Variants in MARK2 observed in about 807,000 individuals in gnomAD.
The protein encoded by MARK2 is microtubule affinity regulating kinase 2.
A neutral mutation model predicts 89.8 loss-of-function variants in MARK2; 16 were observed. The ratio of observed to expected loss-of-function variants is 0.18; its 90% CI spans 0.12 to 0.27. MARK2 has a LOEUF of 0.27. Ranked by LOEUF, MARK2 falls within the 10% of genes least tolerant of loss-of-function variation. MARK2 has a pLI of 1.00. For missense variants in MARK2, 621 were observed against 1,049.9 expected, an observed-to-expected ratio of 0.59 and a Z score of 5.65; for synonymous variants, 382 against 399.5, an observed-to-expected ratio of 0.96 and a Z score of 0.52.
chr11:63,844,416 C>A (rs1021363573), intron 1 of MARK2, among the ~76,000 whole-genome samples: 2 of 152,004 alleles, frequency 1.3e-5, no homozygotes, highest in African/African-American at 4.8e-5. Context: ...CTGGGGAGGT[C>A]GAGACTGCAT....
At chr11:63,906,515 G>A (rs1941351381) in intron 17 of MARK2, among the ~76,000 whole-genome samples, 1 of 135,250 alleles carries the variant, frequency 7.4e-6, no homozygotes, top group South Asian at 2.5e-4. Context: ...CCAGGTTTTG[G>A]TCACAAGTGT....
At chr11:63,899,002 G>A in intron 6 of MARK2, 50 bp from the exon 7 acceptor site, 1 of 1,392,888 alleles carries the variant, frequency 7.2e-7, no homozygotes, top group Non-Finnish European at 1.0e-6. Flanking sequence ...GTCAGCCCCT[G>A]TGGCCCACCC....
chr11:63,853,405 A>G (rs888778170), intron 1 of MARK2, among the ~76,000 whole-genome samples: 4 of 152,170 alleles, frequency 2.6e-5, no homozygotes, highest in Admixed American at 1.3e-4. Flanking sequence ...AAAAAAAAAA[A>G]AAGATGTAGC....
At chr11:63,856,963 C>A (rs377044636) in intron 1 of MARK2, among the ~76,000 whole-genome samples, 3 of 151,244 alleles carry the variant, frequency 2.0e-5, no homozygotes, top group South Asian at 2.1e-4. Flanking sequence ...AGGCGCCCCC[C>A]ACCATGCCCG....
chr11:63,893,967 G>A (rs1318936251), intron 1 of MARK2, among the ~76,000 whole-genome samples: 2 of 152,158 alleles, frequency 1.3e-5, no homozygotes, highest in Non-Finnish European at 2.9e-5. Context: ...AATCTGCCAC[G>A]TTTCTGGTCC....
intron 1 of MARK2, among the ~76,000 whole-genome samples, chr11:63,856,659 G>GTGATCC (rs2016866328): frequency 3.3e-5 from 5 of 151,224 alleles, no homozygotes; most frequent in Admixed American, 1.3e-4. Flanking sequence ...CCTGGCCTAA[G>GTGATCC]TGATCCGCCA....
rs533859148 is a variant in MARK2, at chr11:63,908,088, G to T, written c.1962-172G>T. 1.6e-4 allele frequency among the ~76,000 whole-genome samples: 25 copies of T among 152,376 alleles called. No homozygotes were observed. In the South Asian group the frequency reaches 5.2e-3, roughly 32 times the overall value. On this transcript the variant is annotated intron_variant, in intron 17 of 18. Transcript: ENST00000402010. ...GGAAAGGAATGGTTGAGCCGCCAGT[G>T]TGAGGTGCTGCAGAGCCCTGTTGGC...
At chr11:63,908,111 G>A (rs1283316538) in intron 17 of MARK2, 149 bp from the exon 18 acceptor site, 1 of 665,568 alleles carries the variant, frequency 1.5e-6, no homozygotes, top group Non-Finnish European at 2.7e-6. Context: ...GAGCCCTGTT[G>A]GCTTGCCAGG....
At chr11:63,874,559 G>A (rs1938630374) in intron 1 of MARK2, among the ~76,000 whole-genome samples, 1 of 152,136 alleles carries the variant, frequency 6.6e-6, no homozygotes, top group Non-Finnish European at 1.5e-5. Flanking sequence ...ATAGTTAACT[G>A]GTTTGGTGTT....
intron 1 of MARK2, chr11:63,888,728 C>T (rs1939570344): frequency 3.3e-6 from 4 of 1,194,248 alleles, no homozygotes; most frequent in African/African-American, 1.6e-5. Flanking sequence ...GTTGCGACAC[C>T]GTCCAGGTTC....
intron 1 of MARK2, among the ~76,000 whole-genome samples, chr11:63,852,960 T>C (rs1296931962): frequency 1.3e-5 from 2 of 152,240 alleles, no homozygotes; most frequent in Non-Finnish European, 2.9e-5. Context: ...CAGGATAAGT[T>C]GCCACATTGC....
intron 1 of MARK2, among the ~76,000 whole-genome samples, chr11:63,871,287 CTG>C (rs971150855): frequency 4.3e-4 from 65 of 152,216 alleles, no homozygotes; most frequent in African/African-American, 1.6e-3. Context: ...AGTGCTTTCA[CTG>C]TGTGCAGGTG....
At chr11:63,858,070 A>G (rs1484957634) in intron 1 of MARK2, among the ~76,000 whole-genome samples, 2 of 152,018 alleles carry the variant, frequency 1.3e-5, no homozygotes, top group Non-Finnish European at 2.9e-5. Flanking sequence ...TTTGTCACCC[A>G]GGGTGGAGTG....
intron 1 of MARK2, among the ~76,000 whole-genome samples, chr11:63,870,535 T>G (rs1440877001): frequency 6.6e-6 from 1 of 151,988 alleles, no homozygotes; most frequent in African/African-American, 2.4e-5. Context: ...GGAAAGCATT[T>G]CTGGAGAGCC....
At chr11:63,872,693 C>T (rs1010899851) in intron 1 of MARK2, among the ~76,000 whole-genome samples, 1 of 152,160 alleles carries the variant, frequency 6.6e-6, no homozygotes, top group Non-Finnish European at 1.5e-5. Flanking sequence ...TTGGTTTCCC[C>T]TCCTTTTCCC....
chr11:63,893,045 A>AT (rs1940036329), intron 1 of MARK2, among the ~76,000 whole-genome samples: 1 of 150,488 alleles, frequency 6.6e-6, no homozygotes, highest in Admixed American at 6.7e-5. Context: ...AGTAGCTGGG[A>AT]TTACAGGCAC....
intron 1 of MARK2, among the ~76,000 whole-genome samples, chr11:63,867,614 A>G (rs1432788445): frequency 2.0e-5 from 3 of 152,154 alleles, no homozygotes; most frequent in African/African-American, 7.2e-5. Flanking sequence ...AGCGCTTCTC[A>G]TGTCACCTTT....
chr11:63,862,963 C>G (rs1937894477), intron 1 of MARK2, among the ~76,000 whole-genome samples: 1 of 152,210 alleles, frequency 6.6e-6, no homozygotes, highest in African/African-American at 2.4e-5. Flanking sequence ...TCTCTTACAA[C>G]CGTCTGTGTG....
chr11:63,875,380 A>G (rs187186032), intron 1 of MARK2, among the ~76,000 whole-genome samples: 11 of 150,018 alleles, frequency 7.3e-5, no homozygotes, highest in East Asian at 6.0e-4. Context: ...CAGCCTCCCA[A>G]AGTTGTTGGG....
Sources: allele counts gnomAD v4.1 joint callset (sites outside exome capture counted in the v4.1 genomes callset), GRCh38; gene constraint gnomAD v4.1.1; transcripts MANE v1.5; gene names NCBI Gene and HGNC (gene_info 2026-07-23, HGNC 2026-07-21).